Variants in COG1 observed in about 807,000 individuals in gnomAD.
COG1 encodes the protein component of oligomeric golgi complex 1, also known as conserved oligomeric Golgi complex subunit 1.
Under a neutral mutation model 102.2 loss-of-function variants are expected in COG1, and 61 were observed. That is an observed-to-expected ratio of 0.60 (90% CI 0.49 to 0.74). COG1 has a LOEUF of 0.74. Among genes scored for constraint, COG1 ranks in the 30% least tolerant of loss-of-function variants. The pLI is 0.00. For synonymous variants in COG1, 454 were observed against 493.6 expected (o/e 0.92, Z 1.06); for missense variants, 1,164 against 1,232.1 (o/e 0.94, Z 0.83).
chr17:73,201,435 C>T lies in COG1; in HGVS notation c.1608C>T (p.Leu536=), dbSNP rs758968703. 6.2e-7 allele frequency: 1 copy of T among 1,614,244 alleles called. No homozygotes were observed. The highest frequency in any genetic ancestry group is 1.1e-5 in the South Asian group (1 of 91,088). Residue 536 remains leucine, a synonymous_variant, in exon 7 of 14, where the codon CTC becomes CTT. Coordinates refer to ENST00000299886, the MANE Select transcript of COG1 (RefSeq NM_018714.3). The stretch of plus-strand genomic sequence containing the variant: ...AACTAGATGACCTCCTGGCTTACCT[C>T]CCCTCTGATGACTCATCACTGCCCA... ...KVKLDDLLAY[L]PSDDSSLPKD... is the part of the protein sequence containing the mutation.
At position 73,200,099 on chromosome 17, in the gene COG1, G is replaced by T. The variant is rs1051469992; in HGVS notation, c.1070+78G>T. ...CTTGTACGGGGCATTACAAGGGTCA[G>T]CGAGGCATGTGCAGAAAGCCTGTCC... is the stretch of plus-strand genomic sequence containing the variant. On this transcript the variant is annotated intron_variant, in intron 5 of 13. Transcript: ENST00000299886. 6 of 1,507,180 alleles carry T rather than the reference G, an allele frequency of 4.0e-6. No individual in the cohort carries two copies. The African/African-American group carries it at 8.3e-5, about 21-fold the overall frequency. The allele number at this position is 1,507,180 out of a possible 1,614,324, so 93.4% of individuals were successfully genotyped here.
At position 73,197,409 on chromosome 17, in the gene COG1, C is replaced by A. The variant is rs2061329960; in HGVS notation, c.913+13C>A. On this transcript the variant is annotated intron_variant, in intron 4 of 13. Coordinates refer to ENST00000299886, the MANE Select transcript of COG1 (RefSeq NM_018714.3). ...CAGCATCCTGCCGGTGAGCTCTTAG[C>A]CAAGCTTTTTAAATTCTGGTTCACT... 1.2e-6 allele frequency: 2 copies of A among 1,613,444 alleles called. No homozygotes were observed. Among genetic ancestry groups the A allele is most frequent in the Non-Finnish European group, 1.7e-6 (2 of 1,179,988 alleles).
intron 8 of COG1, 56 bp downstream of exon 8, chr17:73,203,202 A>T (rs1339447988): frequency 4.4e-6 from 7 of 1,593,608 alleles, no homozygotes; most frequent in Non-Finnish European, 5.1e-6. Flanking sequence ...GAAAAGAAGA[A>T]AGATTTTAGA....
chr17:73,201,579 C>T lies in COG1; in HGVS notation c.1752C>T (p.Cys584=). The T allele has an allele frequency of 6.2e-7, 1 of 1,614,214 alleles. No homozygotes were observed. Among genetic ancestry groups the T allele is most frequent in the Non-Finnish European group, 8.5e-7 (1 of 1,180,054 alleles). ...SVACIKHIVD[C]IRAELQSIEE... Reference sequence around the variant, plus strand: ...CATGCATCAAGCACATCGTGGACTGCATCCGGGCAGAGCTACAGAGCATTG... The same window carrying T: ...CATGCATCAAGCACATCGTGGACTGTATCCGGGCAGAGCTACAGAGCATTG... Residue 584 remains cysteine, a synonymous_variant, in exon 7 of 14, where the codon TGC becomes TGT. Coordinates refer to ENST00000299886, the MANE Select transcript of COG1 (RefSeq NM_018714.3).
intron 1 of COG1, among the ~76,000 whole-genome samples, chr17:73,195,093 C>G (rs1223355210): frequency 6.6e-6 from 1 of 152,206 alleles, no homozygotes; most frequent in East Asian, 1.9e-4. Flanking sequence ...GTAACTGAGT[C>G]ATGCTTCAGG....
Position 73,202,997 on chromosome 17 carries a change from C to G in COG1, c.2074-3C>G, listed in dbSNP as rs372888977. 2.5e-5 allele frequency: 40 copies of G among 1,614,000 alleles called. No homozygotes were observed. Among genetic ancestry groups the G allele is most frequent in the South Asian group, 9.9e-5 (9 of 91,078 alleles). On this transcript the variant is annotated splice_polypyrimidine_tract_variant and splice_region_variant and intron_variant, in intron 7 of 13. Coordinates refer to ENST00000299886, the MANE Select transcript of COG1 (RefSeq NM_018714.3). ...TGTATGGATATCTGCCTTTTATTAC[C>G]AGGTTTTGATTCATGGATTCACCCA...
rs766134640 is a variant in COG1, at chr17:73,203,225, A to G, written c.2220+79A>G. Reference sequence around the variant, plus strand: ...GAAAGATTTTAGAAAATCATTCAACATACAACTTCTGAGGAATAGCTGAAA... The same window carrying G: ...GAAAGATTTTAGAAAATCATTCAACGTACAACTTCTGAGGAATAGCTGAAA... On this transcript the variant is annotated intron_variant, in intron 8 of 13. Transcript: ENST00000299886. 168 of 1,535,740 alleles carry G rather than the reference A, an allele frequency of 1.1e-4. 1 individual carries two copies. Among genetic ancestry groups the G allele is most frequent in the Non-Finnish European group, 1.4e-4 (159 of 1,126,678 alleles).
chr17:73,206,388 C>T (rs553520540), intron 11 of COG1, 126 bp downstream of exon 11: 15 of 803,290 alleles, frequency 1.9e-5, no homozygotes, highest in Non-Finnish European at 2.8e-5. Flanking sequence ...CACAAATAGC[C>T]GAGTGTAGTT....
At chr17:73,200,489 G>T in intron 5 of COG1, 77 bp from the exon 6 acceptor site, 1 of 1,185,674 alleles carries the variant, frequency 8.4e-7, no homozygotes. Context: ...TTGTCAAATG[G>T]GATTCTGATG....
chr17:73,204,550 G>C (rs1178444499), intron 9 of COG1, among the ~76,000 whole-genome samples: 16 of 139,296 alleles, frequency 1.1e-4, no homozygotes, highest in East Asian at 6.8e-4. Context: ...CATTTCATTA[G>C]TAACTTTTTT....
chr17:73,205,150 G>A (rs1402898648), intron 9 of COG1: 2 of 279,100 alleles, frequency 7.2e-6, no homozygotes, highest in Non-Finnish European at 1.4e-5. Flanking sequence ...GCAACAAGGC[G>A]AGACTCTATC....
At chr17:73,204,390 C>CT (rs2061359498) in intron 9 of COG1, among the ~76,000 whole-genome samples, 5 of 151,958 alleles carry the variant, frequency 3.3e-5, no homozygotes, top group African/African-American at 1.2e-4. Flanking sequence ...AGCACACCTA[C>CT]CTCAGGGGTG....
rs1413662581 is a variant in COG1 at position 73,193,294 on chromosome 17, G to A, written c.225G>A (p.Gly75=). 23 of 1,595,234 alleles carry A rather than the reference G, an allele frequency of 1.4e-5. No homozygotes were observed. Among genetic ancestry groups the A allele is most frequent in the Non-Finnish European group, 2.0e-5 (23 of 1,172,972 alleles). ...GCCAGATGCGCCGCTGCGCCGTGGG[G>A]CTAGTGGACGCCGTGAAGGCCACCG... ...TIGQMRRCAV[G]LVDAVKATDQ... The change falls in exon 1 of 14, where the codon GGG becomes GGA. Residue 75 remains glycine (G), a synonymous_variant. Coordinates refer to ENST00000299886, the MANE Select transcript of COG1 (RefSeq NM_018714.3).
Position 73,208,321 on chromosome 17 carries a change from C to T in COG1, c.2813C>T (p.Pro938Leu), listed in dbSNP as rs1391931907. 3.2e-5 allele frequency: 51 copies of T among 1,613,528 alleles called. No homozygotes were observed. The Admixed American group carries it at 8.3e-4, about 26-fold the overall frequency. ...RNIETKAQVV[P>L]PARSTAGDPT... ...CTCTACATCCAATGGCAGGTTGTCC[C>T]CCCGGCACGCTCCACAGCTGGTGAC... The change falls in exon 14 of 14, where the codon CCC (proline) becomes CTC (leucine). Residue 938 changes from proline (P) to leucine (L), a missense_variant. By Grantham distance (98) the Pro-to-Leu change is moderately conservative. Coordinates refer to ENST00000299886, the MANE Select transcript of COG1 (RefSeq NM_018714.3).
At chr17:73,200,198 G>A (rs978455314) in intron 5 of COG1, among the ~76,000 whole-genome samples, 177 bp downstream of exon 5, 2 of 152,378 alleles carry the variant, frequency 1.3e-5, no homozygotes, top group Admixed American at 1.3e-4. Context: ...TTCAGCACCC[G>A]CTGTGGGAGA....
intron 13 of COG1, chr17:73,207,807 G>C: frequency 7.8e-7 from 1 of 1,284,456 alleles, no homozygotes; most frequent in Non-Finnish European, 1.0e-6. Flanking sequence ...TTACAGCATC[G>C]AGTTGTTTGC....
Position 73,201,581 on chromosome 17 carries a change from T to C in COG1, c.1754T>C (p.Ile585Thr), listed in dbSNP as rs745779470. 1.2e-6 allele frequency: 2 copies of C among 1,614,166 alleles called. No homozygotes were observed. The highest frequency in any genetic ancestry group is 1.3e-5 in the African/African-American group (1 of 75,032). The change falls in exon 7 of 14, where the codon ATC becomes ACC. Residue 585 changes from isoleucine (I) to threonine (T), a missense_variant. By Grantham distance (89) the Ile-to-Thr change is moderately conservative. Transcript: ENST00000299886. ...TGCATCAAGCACATCGTGGACTGCA[T>C]CCGGGCAGAGCTACAGAGCATTGAA... ...VACIKHIVDC[I>T]RAELQSIEEG... is the part of the protein sequence containing the mutation.
intron 11 of COG1, among the ~76,000 whole-genome samples, 158 bp downstream of exon 11, chr17:73,206,420 G>C (rs2061372554): frequency 6.6e-6 from 1 of 152,126 alleles, no homozygotes; most frequent in African/African-American, 2.4e-5. Flanking sequence ...AAGAGGATTA[G>C]ATAAAATCTC....
intron 4 of COG1, among the ~76,000 whole-genome samples, chr17:73,199,381 GT>G (rs1176683376): frequency 6.6e-6 from 1 of 152,062 alleles, no homozygotes; most frequent in East Asian, 1.9e-4. Flanking sequence ...TTTGATCCCC[GT>G]TTTTGTTTCC....
Sources: allele counts gnomAD v4.1 joint callset (sites outside exome capture counted in the v4.1 genomes callset), GRCh38; gene constraint gnomAD v4.1.1; transcripts MANE v1.5; gene names NCBI Gene and HGNC (gene_info 2026-07-23, HGNC 2026-07-21).